Variants in ATP6V0A2 observed in about 807,000 individuals in gnomAD.
The protein encoded by ATP6V0A2 is V-type proton ATPase 116 kDa subunit a 2.
A neutral mutation model predicts 104.4 loss-of-function variants in ATP6V0A2; 58 were observed. The ratio of observed to expected loss-of-function variants is 0.56; its 90% confidence interval spans 0.45 to 0.69. The LOEUF (loss-of-function observed/expected upper bound fraction) is 0.69. Ranked by LOEUF, ATP6V0A2 falls within the 30% of genes least tolerant of loss-of-function variation. The pLI is 0.00. For synonymous variants in ATP6V0A2, 376 were observed against 397.9 expected (o/e 0.95, Z 0.65); for missense variants, 938 against 1,062.9 (o/e 0.88, Z 1.63).
chr12:123,742,172 C>T (rs1466059291), intron 9 of ATP6V0A2, among the ~76,000 whole-genome samples: 4 of 152,260 alleles, frequency 2.6e-5, no homozygotes, highest in African/African-American at 7.2e-5. Flanking sequence ...CCTGTGCCGT[C>T]GCCTACTCTT....
chr12:123,729,377 G>A (rs569552085), intron 6 of ATP6V0A2, among the ~76,000 whole-genome samples: 1 of 139,882 alleles, frequency 7.1e-6, no homozygotes, highest in African/African-American at 2.8e-5. Context: ...TGGCTTCTGG[G>A]TGTGCACATT....
rs1956784440 is a variant in ATP6V0A2 at position 123,758,500 on chromosome 12, T to G, written c.*468T>G. On this transcript the variant is annotated 3_prime_UTR_variant, in exon 20 of 20. Coordinates refer to ENST00000330342, the MANE Select transcript of ATP6V0A2 (RefSeq NM_012463.4). The stretch of plus-strand genomic sequence containing the variant: ...GGGTAATCAAAACATTCACATTTAT[T>G]CTGCTGGATTTAAAAATATGTACTT... The G allele has an allele frequency of 6.5e-6, 1 of 153,244 alleles. No homozygotes were observed. The highest frequency in any genetic ancestry group is 2.4e-5 in the African/African-American group (1 of 41,444). The allele number at this position is 153,244 out of a possible 1,614,324, so 9.5% of individuals were successfully genotyped here. A position where few individuals can be genotyped will look rare whatever the true frequency, so the allele number is the denominator to read the frequency against.
At chr12:123,718,521 A>G in intron 1 of ATP6V0A2, 102 bp from the exon 2 acceptor site, 1 of 796,158 alleles carries the variant, frequency 1.3e-6, no homozygotes, top group Non-Finnish European at 2.1e-6. Context: ...TCAATAGTAT[A>G]CAAGAGTGTA....
At chr12:123,726,082 C>T (rs948412571) in intron 4 of ATP6V0A2, 115 bp from the exon 5 acceptor site, 3 of 764,086 alleles carry the variant, frequency 3.9e-6, no homozygotes, top group Non-Finnish European at 6.9e-6. Flanking sequence ...GAAGTCTTTG[C>T]ACCCAGATCT....
chr12:123,747,964 T>G (rs1487076826), intron 14 of ATP6V0A2, among the ~76,000 whole-genome samples: 4 of 152,150 alleles, frequency 2.6e-5, no homozygotes, highest in Non-Finnish European at 5.9e-5. Context: ...AGTTCAGCAG[T>G]GAGGAGGGCA....
intron 6 of ATP6V0A2, among the ~76,000 whole-genome samples, chr12:123,728,756 C>T (rs543828364): frequency 8.0e-4 from 122 of 152,358 alleles, no homozygotes; most frequent in African/African-American, 2.9e-3. Context: ...TCAGGTGCCA[C>T]ATGTTTCTGT....
Position 123,758,253 on chromosome 12 carries a change from C to A in ATP6V0A2, c.*221C>A. The A allele has an allele frequency of 2.3e-6, 1 of 437,608 alleles. No individual in the cohort carries two copies. The allele number at this position is 437,608 out of a possible 1,614,324, so 27.1% of individuals were successfully genotyped here. ...ATTTCTTTTGGTTTTTTATGATGAG[C>A]AAATATAAGTTAATGCCAAACGTTA... On this transcript the variant is annotated 3_prime_UTR_variant, in exon 20 of 20. Transcript: ENST00000330342.
Position 123,718,483 on chromosome 12 carries a change from GA to G in ATP6V0A2, c.118-136del, listed in dbSNP as rs575756501. 604 of 629,038 alleles carry G rather than the reference GA, an allele frequency of 9.6e-4. 7 individuals carry two copies. The South Asian group carries it at 0.012, about 12-fold the overall frequency. 39.0% of individuals were successfully genotyped at this position (629,038 alleles called of 1,614,324 possible). The stretch of plus-strand genomic sequence containing the variant: ...GTAACAGTTGACAAATTGCTCTCAA[GA>G]AAAGTTGTGTCAGTTTATAGTTTCA... On this transcript the variant is annotated intron_variant, in intron 1 of 19. Transcript: ENST00000330342.
intron 3 of ATP6V0A2, chr12:123,723,914 A>G (rs529540670): frequency 2.0e-5 from 3 of 152,246 alleles, no homozygotes; most frequent in Admixed American, 2.0e-4. Flanking sequence ...AGAGTCTTTG[A>G]TGTGTGATAT....
chr12:123,755,328 A>G (rs1051542245), intron 18 of ATP6V0A2, among the ~76,000 whole-genome samples: 1 of 152,150 alleles, frequency 6.6e-6, no homozygotes, highest in Admixed American at 6.5e-5. Flanking sequence ...ACCTGAGGTC[A>G]GGAGTTTGAC....
chr12:123,737,577 G>A (rs1360574187), intron 9 of ATP6V0A2: 1 of 379,618 alleles, frequency 2.6e-6, no homozygotes, highest in Non-Finnish European at 5.0e-6. Flanking sequence ...TGAAATTATG[G>A]TGAGCTGGTC....
intron 1 of ATP6V0A2, among the ~76,000 whole-genome samples, chr12:123,715,036 C>T (rs1040782072): frequency 3.3e-5 from 5 of 152,122 alleles, no homozygotes; most frequent in African/African-American, 1.2e-4. Flanking sequence ...GAGCTGAGAT[C>T]GCGCCACTGC....
chr12:123,715,711 C>T lies in ATP6V0A2; in HGVS notation c.118-2912C>T, dbSNP rs140966689. Among the ~76,000 whole-genome samples the T allele has an allele frequency of 4.6e-5, 7 of 152,296 alleles. No individual in the cohort carries two copies. The East Asian group carries it at 5.8e-4, about 13-fold the overall frequency. ...AGTAACATACCTTGCATGATCCCAA[C>T]GCCTAGAAATTAACTTTAACTTTTT... On this transcript the variant is annotated intron_variant, in intron 1 of 19. Transcript: ENST00000330342.
At chr12:123,725,296 G>A (rs1310074143) in intron 4 of ATP6V0A2, among the ~76,000 whole-genome samples, 4 of 152,050 alleles carry the variant, frequency 2.6e-5, no homozygotes, top group Admixed American at 1.3e-4. Flanking sequence ...TTTAAATAAA[G>A]TTTTAAGAGC....
rs527306167 is a variant in ATP6V0A2, at chr12:123,755,578, T to C, written c.2293+1041T>C. On this transcript the variant is annotated intron_variant, in intron 18 of 19. Coordinates refer to ENST00000330342, the MANE Select transcript of ATP6V0A2 (RefSeq NM_012463.4). Reference sequence around the variant, plus strand: ...AAAAAAAAAAAAAAATAGGACAATTTGGCAAGTATTAGGAAAGATGCTTGC... The same window carrying C: ...AAAAAAAAAAAAAAATAGGACAATTCGGCAAGTATTAGGAAAGATGCTTGC... 7.3e-5 allele frequency among the ~76,000 whole-genome samples: 11 copies of C among 150,052 alleles called. No individual in the cohort carries two copies. In the East Asian group the frequency reaches 2.1e-3, roughly 29 times the overall value.
chr12:123,745,642 C>T (rs965497539), intron 13 of ATP6V0A2, among the ~76,000 whole-genome samples: 1 of 151,230 alleles, frequency 6.6e-6, no homozygotes, highest in Non-Finnish European at 1.5e-5. Flanking sequence ...GGAGGCGAAG[C>T]TTGCAGTGAG....
intron 3 of ATP6V0A2, 139 bp downstream of exon 3, chr12:123,722,587 A>G: frequency 1.5e-6 from 1 of 682,830 alleles, no homozygotes; most frequent in Non-Finnish European, 2.7e-6. Context: ...AGAGAGATTA[A>G]AGACCGCTAT....
intron 15 of ATP6V0A2, chr12:123,750,239 G>C (rs1359953121): frequency 6.6e-6 from 1 of 152,208 alleles, no homozygotes; most frequent in Non-Finnish European, 1.5e-5. Flanking sequence ...GCCCCAGGAG[G>C]TAGGTGTGTC....
At position 123,727,899 on chromosome 12, in the gene ATP6V0A2, A is replaced by G; in HGVS notation, c.638A>G (p.Asp213Gly). The G allele has an allele frequency of 1.2e-6, 2 of 1,614,190 alleles. No individual in the cohort carries two copies. Among genetic ancestry groups the G allele is most frequent in the East Asian group, 2.2e-5 (1 of 44,884 alleles). Residue 213 changes from aspartate to glycine, a missense_variant, in exon 6 of 20, where the codon GAC becomes GGC. By Grantham distance (94) the Asp-to-Gly change is moderately conservative. Coordinates refer to ENST00000330342, the MANE Select transcript of ATP6V0A2 (RefSeq NM_012463.4). ...SYAELDESLE[D>G]PETGEVIKWY... ...GCAGAACTGGATGAATCCCTTGAAG[A>G]CCCTGAAACAGTGAGTAAATGTCAC...
Sources: gnomAD v4.1 joint callset for allele counts (sites outside exome capture counted in the v4.1 genomes callset) on GRCh38, gnomAD v4.1.1 for gene constraint, MANE v1.5 for transcripts, NCBI Gene and HGNC (gene_info 2026-07-23, HGNC 2026-07-21) for gene names.